DTL: variants seen among roughly 807,000 people sequenced by gnomAD.
DTL encodes the protein denticleless E3 ubiquitin protein ligase adapter, also known as denticleless protein homolog.
In DTL, 46 loss-of-function variants were observed where a neutral mutation model predicts 87.0. The observed-to-expected ratio is 0.53, with a 90% CI of 0.42 to 0.68. The LOEUF (loss-of-function observed/expected upper bound fraction) is 0.68. DTL is among the 30% of genes least tolerant of loss of function. The pLI, the probability that DTL is intolerant of heterozygous loss-of-function variation, is 0.00. For synonymous variants in DTL, 308 were observed against 311.2 expected, an observed-to-expected ratio of 0.99 and a Z score of 0.11; for missense variants, 737 against 869.4, an observed-to-expected ratio of 0.85 and a Z score of 1.91.
At chr1:212,078,687 T>C (rs979155209) in intron 12 of DTL, among the ~76,000 whole-genome samples, 1 of 152,184 alleles carries the variant, frequency 6.6e-6, no homozygotes. Flanking sequence ...AAATGGTAAC[T>C]GTGAAGTCTT....
intron 1 of DTL, among the ~76,000 whole-genome samples, chr1:212,042,423 A>G (rs1350409976): frequency 4.6e-5 from 7 of 152,184 alleles, no homozygotes; most frequent in Admixed American, 4.6e-4. Flanking sequence ...GGTACATAAC[A>G]CTTCACTTTA....
chr1:212,101,145 G>T (rs1655614247), intron 14 of DTL, 61 bp downstream of exon 14: 7 of 1,111,664 alleles, frequency 6.3e-6, no homozygotes, highest in Admixed American at 3.1e-5. Flanking sequence ...ACACCCAGAT[G>T]TCTCAAGTCA....
intron 1 of DTL, among the ~76,000 whole-genome samples, chr1:212,036,262 T>A (rs1287041826): frequency 1.3e-5 from 2 of 152,192 alleles, no homozygotes; most frequent in East Asian, 3.8e-4. Flanking sequence ...TATGTTTCCT[T>A]CAACGGTTAT....
rs181270571 is a variant in DTL, at chr1:212,078,363, G to A, written c.1125+101G>A. 65 of 773,780 alleles carry A rather than the reference G, an allele frequency of 8.4e-5. No homozygotes were observed. The African/African-American group carries it at 8.4e-4, about 10-fold the overall frequency. 47.9% of individuals were successfully genotyped at this position (773,780 alleles called of 1,614,324 possible). On this transcript the variant is annotated intron_variant, in intron 12 of 14. Coordinates refer to ENST00000366991, the MANE Select transcript of DTL (RefSeq NM_016448.4). ...GAATGATATAAATTTTTATGTTTAA[G>A]TTGAGATTTTAAAGACCTAAAGGCC...
chr1:212,059,779 CAAAAAAAAAA>C (rs58890148), intron 5 of DTL, among the ~76,000 whole-genome samples: 1 of 80,222 alleles, frequency 1.2e-5, no homozygotes, highest in Non-Finnish European at 2.5e-5. Flanking sequence ...AAAGACTCTA[CAAAAAAAAAA>C]AAAAAAAAAA....
At chr1:212,081,032 A>G (rs1455044175) in intron 13 of DTL, among the ~76,000 whole-genome samples, 2 of 152,208 alleles carry the variant, frequency 1.3e-5, no homozygotes, top group East Asian at 1.9e-4. Flanking sequence ...GAACAAAAGA[A>G]TAAAAAATCC....
chr1:212,072,283 T>A, intron 11 of DTL, 70 bp downstream of exon 11: 2 of 1,223,732 alleles, frequency 1.6e-6, no homozygotes, highest in South Asian at 1.2e-5. Context: ...CTGTCCAATA[T>A]GAGATAAGTT....
chr1:212,044,436 C>G lies in DTL; in HGVS notation c.179-224C>G, dbSNP rs560495323. Among the ~76,000 whole-genome samples the G allele has an allele frequency of 6.5e-3, 983 of 152,056 alleles. 6 individuals carry two copies. Among genetic ancestry groups the G allele is most frequent in the Non-Finnish European group, 7.4e-3 (500 of 67,984 alleles). The stretch of plus-strand genomic sequence containing the variant: ...CCTGACCAGCATGGTGAAACCCCAT[C>G]TCTAGTAAAAATACAAAATTAGCTG... On this transcript the variant is annotated intron_variant, in intron 2 of 14. Coordinates refer to ENST00000366991, the MANE Select transcript of DTL (RefSeq NM_016448.4).
At position 212,062,917 on chromosome 1, in the gene DTL, T is replaced by C; in HGVS notation, c.494T>C (p.Ile165Thr). ...TGTACGGGTGGAAGAGATGGCAACA[T>C]TATGGTCTGGGATACCAGGTGCAAC... Reference protein sequence around the residue: ...VFCTGGRDGNIMVWDTRCNKK... With the variant: ...VFCTGGRDGNTMVWDTRCNKK... Residue 165 changes from isoleucine (I) to threonine (T), a missense_variant, in exon 6 of 15, where the codon ATT becomes ACT. Coordinates refer to ENST00000366991, the MANE Select transcript of DTL (RefSeq NM_016448.4). 6.2e-7 allele frequency: 1 copy of C among 1,613,794 alleles called. No homozygotes were observed.
chr1:212,039,573 C>T (rs1315525958), intron 1 of DTL, among the ~76,000 whole-genome samples: 1 of 151,998 alleles, frequency 6.6e-6, no homozygotes, highest in African/African-American at 2.4e-5. Flanking sequence ...TATAGTCATC[C>T]AATTGCTTAT....
chr1:212,036,011 C>A, intron 1 of DTL, 69 bp downstream of exon 1: 1 of 1,448,748 alleles, frequency 6.9e-7, no homozygotes, highest in Non-Finnish European at 9.6e-7. Flanking sequence ...ACGCCACCTC[C>A]GACCAGGGCC....
intron 7 of DTL, among the ~76,000 whole-genome samples, chr1:212,066,576 T>C (rs1189769792): frequency 6.6e-6 from 1 of 152,216 alleles, no homozygotes; most frequent in Non-Finnish European, 1.5e-5. Context: ...GAGCAAAATC[T>C]TTTAGTCACC....
chr1:212,093,582 C>G (rs1200864436), intron 13 of DTL, among the ~76,000 whole-genome samples: 3 of 152,226 alleles, frequency 2.0e-5, no homozygotes, highest in Admixed American at 2.0e-4. Flanking sequence ...CCCGACCAAA[C>G]TGCATCATTC....
chr1:212,088,503 C>T (rs1447220545), intron 13 of DTL, among the ~76,000 whole-genome samples: 1 of 152,170 alleles, frequency 6.6e-6, no homozygotes, highest in African/African-American at 2.4e-5. Context: ...AAACAAGGGG[C>T]TCTGAGAACC....
At chr1:212,094,697 A>G (rs1236516131) in intron 13 of DTL, among the ~76,000 whole-genome samples, 2 of 152,170 alleles carry the variant, frequency 1.3e-5, no homozygotes, top group Non-Finnish European at 2.9e-5. Flanking sequence ...TTAGCAGTAT[A>G]GTTATTTTCA....
chr1:212,092,642 C>T (rs947616518), intron 13 of DTL, among the ~76,000 whole-genome samples: 6 of 152,128 alleles, frequency 3.9e-5, no homozygotes, highest in Admixed American at 2.0e-4. Flanking sequence ...ATATATACAC[C>T]ACGTTTTCTT....
Position 212,102,929 on chromosome 1 carries a change from A to G in DTL, c.2182A>G (p.Thr728Ala), listed in dbSNP as rs555860561. ...GGACTTCTGTGGTCCTGAACACTCA[A>G]CAGAATTATAGATTCTAATCTGAGT... ...QEDFCGPEHS[T>A]EL Residue 728 changes from threonine to alanine, a missense_variant, in exon 15 of 15, where the codon ACA becomes GCA. Physicochemically the swap from Thr to Ala is moderately conservative, Grantham distance 58 (BLOSUM62 0). Transcript: ENST00000366991. 6.3e-7 allele frequency: 1 copy of G among 1,590,014 alleles called. No individual in the cohort carries two copies. The highest frequency in any genetic ancestry group is 1.1e-5 in the South Asian group (1 of 90,256).
intron 13 of DTL, among the ~76,000 whole-genome samples, chr1:212,084,003 C>G (rs935518949): frequency 1.3e-5 from 2 of 152,104 alleles, no homozygotes; most frequent in African/African-American, 2.4e-5. Context: ...CTTCAGCCAT[C>G]AAGGCCTAAG....
chr1:212,038,289 T>C (rs1420452802), intron 1 of DTL, among the ~76,000 whole-genome samples: 2 of 152,214 alleles, frequency 1.3e-5, no homozygotes, highest in Non-Finnish European at 2.9e-5. Context: ...AAAATTATGT[T>C]ATTGGAAGAC....
Sources: gnomAD v4.1 joint callset for allele counts (sites outside exome capture counted in the v4.1 genomes callset) on GRCh38, gnomAD v4.1.1 for gene constraint, MANE v1.5 for transcripts, NCBI Gene and HGNC (gene_info 2026-07-23, HGNC 2026-07-21) for gene names.